Variants in KIF5C observed in about 807,000 individuals in gnomAD.
KIF5C encodes kinesin family member 5C.
KIF5C carries 18 observed loss-of-function variants against 125.2 expected under a neutral mutation model. The observed-to-expected ratio is 0.14, with a 90% CI of 0.10 to 0.21. The LOEUF (loss-of-function observed/expected upper bound fraction) is 0.21. Ranked by LOEUF, KIF5C falls within the 10% of genes least tolerant of loss-of-function variation. KIF5C has a pLI of 1.00. For synonymous variants in KIF5C, 405 were observed against 434.0 expected, an observed-to-expected ratio of 0.93 and a Z score of 0.83; for missense variants, 780 against 1,183.8, an observed-to-expected ratio of 0.66 and a Z score of 5.01.
intron 4 of KIF5C, among the ~76,000 whole-genome samples, chr2:148,941,000 G>A (rs1682396057): frequency 6.6e-6 from 1 of 152,208 alleles, no homozygotes; most frequent in African/African-American, 2.4e-5. Context: ...CTTAGGTGAT[G>A]CTGATGAAGG....
chr2:148,961,060 C>T (rs1424922489), intron 10 of KIF5C, among the ~76,000 whole-genome samples: 1 of 152,170 alleles, frequency 6.6e-6, no homozygotes, highest in Admixed American at 6.5e-5. Context: ...CAGGTACATC[C>T]CTGTGGCATC....
intron 10 of KIF5C, among the ~76,000 whole-genome samples, chr2:148,958,631 G>A (rs1406436385): frequency 6.6e-6 from 1 of 152,122 alleles, no homozygotes; most frequent in African/African-American, 2.4e-5. Flanking sequence ...GGCTTCTAAT[G>A]AAGACAAGTT....
intron 8 of KIF5C, 30 bp downstream of exon 8, chr2:148,947,053 A>G: frequency 6.3e-7 from 1 of 1,581,684 alleles, no homozygotes; most frequent in South Asian, 1.2e-5. Context: ...TATTATCTAT[A>G]ATTTTCCCCT....
At chr2:148,906,552 C>A (rs1681115661) in intron 1 of KIF5C, among the ~76,000 whole-genome samples, 2 of 151,362 alleles carry the variant, frequency 1.3e-5, no homozygotes, top group South Asian at 4.2e-4. Context: ...AGAACCCCAT[C>A]TCTAAAAATA....
intron 1 of KIF5C, among the ~76,000 whole-genome samples, chr2:148,890,790 G>A (rs1397281598): frequency 6.6e-6 from 1 of 152,228 alleles, no homozygotes; most frequent in African/African-American, 2.4e-5. Context: ...GACGGGTACT[G>A]TTGAAGTTTG....
rs1287673048 is a variant in KIF5C at position 149,013,680 on chromosome 2, G to C, written c.*7+1997G>C. 2.6e-5 allele frequency among the ~76,000 whole-genome samples: 4 copies of C among 152,256 alleles called. No individual in the cohort carries two copies. The East Asian group carries it at 5.8e-4, about 22-fold the overall frequency. On this transcript the variant is annotated intron_variant, in intron 25 of 25. Transcript: ENST00000435030. ...AGGTGTATGTGTGTTTCCCAGCAAG[G>C]CCTTACTAAATATACTGGTCCAGGG...
At chr2:148,960,096 CG>C (rs1272144878) in intron 10 of KIF5C, among the ~76,000 whole-genome samples, 3 of 152,146 alleles carry the variant, frequency 2.0e-5, no homozygotes, top group Non-Finnish European at 4.4e-5. Flanking sequence ...TCCAGGACCC[CG>C]ATTACTACAG....
rs1249652062 is a variant in KIF5C, at chr2:148,963,114, T to A, written c.1117+995T>A. On this transcript the variant is annotated intron_variant, in intron 11 of 25. Transcript: ENST00000435030. ...TCCAGATCTAAGTGCAGACAGATTA[T>A]TTTAGTGATTTTAGCATTGTGACGT... Among the ~76,000 whole-genome samples, 4 of 152,154 alleles carry A rather than the reference T, an allele frequency of 2.6e-5. No individual in the cohort carries two copies. The East Asian group carries it at 7.7e-4, about 29-fold the overall frequency.
chr2:148,940,109 A>G (rs887324123), intron 4 of KIF5C, among the ~76,000 whole-genome samples: 1 of 152,226 alleles, frequency 6.6e-6, no homozygotes, highest in African/African-American at 2.4e-5. Context: ...AAAATAATAG[A>G]CAAGTCTTAA....
intron 1 of KIF5C, among the ~76,000 whole-genome samples, chr2:148,892,926 G>T (rs2105047938): frequency 6.6e-6 from 1 of 152,224 alleles, no homozygotes; most frequent in East Asian, 1.9e-4. Flanking sequence ...TTCAAATAAT[G>T]ACAGTTTTGT....
At chr2:148,944,389 T>A (rs1682478057) in intron 7 of KIF5C, among the ~76,000 whole-genome samples, 1 of 152,240 alleles carries the variant, frequency 6.6e-6, no homozygotes, top group African/African-American at 2.4e-5. Flanking sequence ...CTCATGTAAG[T>A]GGAATCATAA....
At chr2:149,011,162 T>C (rs1034064582) in intron 24 of KIF5C, among the ~76,000 whole-genome samples, 1 of 152,198 alleles carries the variant, frequency 6.6e-6, no homozygotes, top group Middle Eastern at 3.2e-3. Flanking sequence ...TTTCATACCC[T>C]TTGAGAATCT....
At chr2:148,987,572 G>A (rs1050297131) in intron 15 of KIF5C, among the ~76,000 whole-genome samples, 4 of 152,190 alleles carry the variant, frequency 2.6e-5, no homozygotes, top group African/African-American at 7.2e-5. Flanking sequence ...TGGCGAGGGA[G>A]GGTGTATGAC....
At chr2:148,997,491 G>C in intron 18 of KIF5C, 151 bp downstream of exon 18, 2 of 1,404,382 alleles carry the variant, frequency 1.4e-6, no homozygotes, top group Non-Finnish European at 1.9e-6. Flanking sequence ...GTCGATCTCA[G>C]AGTATAGCCT....
At chr2:148,983,575 T>C in intron 14 of KIF5C, 45 bp from the exon 15 acceptor site, 6 of 1,501,134 alleles carry the variant, frequency 4.0e-6, no homozygotes, top group Middle Eastern at 1.8e-4. Context: ...GTGTATGAAA[T>C]TGATGGGCAA....
At position 148,929,361 on chromosome 2, in the gene KIF5C, T is replaced by C; in HGVS notation, c.291+7T>C. 3 of 1,518,700 alleles carry C rather than the reference T, an allele frequency of 2.0e-6. No homozygotes were observed. The highest frequency in any genetic ancestry group is 1.2e-5 in the South Asian group (1 of 83,646). 94.1% of individuals were successfully genotyped at this position (1,518,700 alleles called of 1,614,324 possible). On this transcript the variant is annotated splice_region_variant and intron_variant, in intron 3 of 25. Coordinates refer to ENST00000435030, the MANE Select transcript of KIF5C (RefSeq NM_004522.3). ...AAAAACCCACACCATGGAGGTAAGA[T>C]TACAATGTGCTCTAATGCGAATCTC...
intron 16 of KIF5C, among the ~76,000 whole-genome samples, chr2:148,992,741 A>G (rs1444997310): frequency 1.3e-5 from 2 of 152,224 alleles, no homozygotes; most frequent in East Asian, 3.8e-4. Flanking sequence ...TATGGTTTAC[A>G]CCACTTTTTC....
intron 20 of KIF5C, 60 bp downstream of exon 20, chr2:149,000,584 T>A (rs1199985588): frequency 5.1e-6 from 8 of 1,557,374 alleles, no homozygotes; most frequent in African/African-American, 2.7e-5. Flanking sequence ...TCTGGTTAGA[T>A]TGGGCTAATT....
chr2:148,878,206 C>T (rs993428139), intron 1 of KIF5C: 1 of 152,140 alleles, frequency 6.6e-6, no homozygotes, highest in African/African-American at 2.4e-5. Context: ...CATTTTGGGA[C>T]CCTAGAAATC....
Sources: gnomAD v4.1 joint callset for allele counts (sites outside exome capture counted in the v4.1 genomes callset) on GRCh38, gnomAD v4.1.1 for gene constraint, MANE v1.5 for transcripts, NCBI Gene and HGNC (gene_info 2026-07-23, HGNC 2026-07-21) for gene names.